The following CDH15 variants were observed in gnomAD, a reference collection of about 807,000 sequenced individuals.
CDH15 encodes the protein cadherin-15.
CDH15 carries 73 observed loss-of-function variants against 69.4 expected under a neutral mutation model. The ratio of observed to expected loss-of-function variants is 1.05; its 90% CI spans 0.87 to 1.28. The LOEUF (loss-of-function observed/expected upper bound fraction) is 1.28. CDH15 is among the 50% of genes most tolerant of loss of function. The pLI is 0.00. For missense variants in CDH15, 1,343 were observed against 1,133.6 expected (o/e 1.18, Z -2.65); for synonymous variants, 624 against 507.7 (o/e 1.23, Z -3.08).
At chr16:89,194,616 G>T (rs1482750250) in intron 13 of CDH15, among the ~76,000 whole-genome samples, 1 of 152,186 alleles carries the variant, frequency 6.6e-6, no homozygotes, top group Non-Finnish European at 1.5e-5. Flanking sequence ...GCAGGGCAGA[G>T]CCCCGGGGGA....
chr16:89,194,808 T>A (rs1597315133), intron 13 of CDH15, 54 bp from the exon 14 acceptor site: 2 of 1,534,830 alleles, frequency 1.3e-6, no homozygotes, highest in Non-Finnish European at 1.8e-6. Context: ...GCCACGGCGG[T>A]GGGGCACCCG....
intron 13 of CDH15, 36 bp downstream of exon 13, chr16:89,193,949 C>G (rs756518046): frequency 1.2e-6 from 2 of 1,606,014 alleles, no homozygotes; most frequent in African/African-American, 2.7e-5. Flanking sequence ...TACACACAGG[C>G]ACGCACAGGT....
Position 89,191,809 on chromosome 16 carries a change from G to T in CDH15, c.1530G>T (p.Leu510=). ...TCCTGGGCGCCACGGATGAGGACCT[G>T]CCCCCCCACGGGGCCCCCTTCCACT... ...GLLLGATDED[L]PPHGAPFHFQ... is the part of the protein sequence containing the mutation. The change falls in exon 10 of 14, where the codon CTG becomes CTT. Residue 510 remains leucine, a synonymous_variant. Transcript: ENST00000289746. 6.2e-7 allele frequency: 1 copy of T among 1,604,972 alleles called. No individual in the cohort carries two copies. Among genetic ancestry groups the T allele is most frequent in the Non-Finnish European group, 8.5e-7 (1 of 1,179,258 alleles).
chr16:89,193,977 T>C (rs1915725547), intron 13 of CDH15, 64 bp downstream of exon 13: 1 of 1,544,446 alleles, frequency 6.5e-7, no homozygotes, highest in African/African-American at 1.4e-5. Context: ...CACATGCACA[T>C]GTACACACCT....
At chr16:89,183,293 G>A in intron 3 of CDH15, 1 of 524,188 alleles carries the variant, frequency 1.9e-6, no homozygotes, top group Non-Finnish European at 3.4e-6. Context: ...CACACGTGAA[G>A]CTGTGAGCTT....
intron 1 of CDH15, among the ~76,000 whole-genome samples, chr16:89,178,717 T>G (rs977453208): frequency 6.6e-6 from 1 of 152,218 alleles, no homozygotes; most frequent in Non-Finnish European, 1.5e-5. Context: ...TGGGGGCCGC[T>G]GTATGAATTA....
Position 89,193,478 on chromosome 16 carries a change from C to G in CDH15, c.1864C>G (p.Leu622Val). The change falls in exon 12 of 14, where the codon CTG becomes GTG. Residue 622 changes from leucine (L) to valine (V), a missense_variant. Coordinates refer to ENST00000289746, the MANE Select transcript of CDH15 (RefSeq NM_004933.3). ...ASALLLLVLV[L>V]LVALRARFWK... ...GTCCCCTCATTCCCCAGTGCTGGTCCTGCTCGTGGCACTCCGGGCGCGGTT... is the reference window on the plus strand; with the variant it reads ...GTCCCCTCATTCCCCAGTGCTGGTCGTGCTCGTGGCACTCCGGGCGCGGTT... 6.2e-7 allele frequency: 1 copy of G among 1,611,232 alleles called. No individual in the cohort carries two copies. The highest frequency in any genetic ancestry group is 1.3e-5 in the African/African-American group (1 of 74,694).
At chr16:89,179,701 C>T (rs941626060) in intron 2 of CDH15, 127 bp downstream of exon 2, 5 of 963,956 alleles carry the variant, frequency 5.2e-6, no homozygotes, top group African/African-American at 3.3e-5. Flanking sequence ...AGGCAGGACT[C>T]GCCCACCTTG....
chr16:89,179,463 C>T lies in CDH15; in HGVS notation c.90C>T (p.Thr30=), dbSNP rs1567771162. The T allele has an allele frequency of 6.2e-7, 1 of 1,613,596 alleles. No individual in the cohort carries two copies. The highest frequency in any genetic ancestry group is 8.5e-7 in the Non-Finnish European group (1 of 1,179,904). Residue 30 remains threonine (T), a synonymous_variant, in exon 2 of 14, where the codon ACC becomes ACT. Transcript: ENST00000289746. The part of the protein sequence containing the change: ...LGVPGWRRPT[T]LYPWRRAPAL... The stretch of plus-strand genomic sequence containing the variant: ...TTCCTGGATGGAGGAGGCCCACCAC[C>T]CTGTACCCCTGGCGCCGGGCGCCTG...
At position 89,195,216 on chromosome 16, in the gene CDH15, G is replaced by A. The variant is rs560802384; in HGVS notation, c.*61G>A. 1.2e-5 allele frequency: 18 copies of A among 1,468,172 alleles called. No individual in the cohort carries two copies. In the East Asian group the frequency reaches 3.9e-4, roughly 32 times the overall value. The allele number at this position is 1,468,172 out of a possible 1,614,324, so 90.9% of individuals were successfully genotyped here. ...TCGTGGCAGTGATGGCCCCTGCAGA[G>A]GCAGCCTGAGGTCACCGGGCCCGAC... is the stretch of plus-strand genomic sequence containing the variant. On this transcript the variant is annotated 3_prime_UTR_variant, in exon 14 of 14. Transcript: ENST00000289746.
At chr16:89,185,784 A>T (rs1034388253) in intron 5 of CDH15, 1 of 251,718 alleles carries the variant, frequency 4.0e-6, no homozygotes, top group African/African-American at 2.3e-5. Flanking sequence ...CCTGCCACTA[A>T]CCACGGTTCC....
In CDH15 at chr16:89,193,532, C is replaced by T. The variant is rs1382254748; in HGVS notation, c.1918C>T (p.Leu640=). Residue 640 remains leucine, a synonymous_variant, in exon 12 of 14, where the codon CTG becomes TTG. Transcript: ENST00000289746. ...GAAGCAGTCTCGGGGCAAGGGGCTG[C>T]TGCACGGCCCCCAGGACGACCTTCG... The part of the protein sequence containing the change: ...FWKQSRGKGL[L]HGPQDDLRDN... 1 of 1,612,022 alleles carries T rather than the reference C, an allele frequency of 6.2e-7. No individual in the cohort carries two copies. Among genetic ancestry groups the T allele is most frequent in the Non-Finnish European group, 8.5e-7 (1 of 1,179,694 alleles).
rs1343048328 is a variant in CDH15, at chr16:89,180,371, G to A, written c.357+16G>A. 1 of 1,608,520 alleles carries A rather than the reference G, an allele frequency of 6.2e-7. No homozygotes were observed. On this transcript the variant is annotated intron_variant, in intron 3 of 13. Transcript: ENST00000289746. ...TCGCTTCAGGGTGCGGAGCTGCGTG[G>A]TCGGACCTGTGCCCCTCAAGCAGGC...
chr16:89,180,607 G>C (rs1369616330), intron 3 of CDH15, among the ~76,000 whole-genome samples: 1 of 152,242 alleles, frequency 6.6e-6, no homozygotes, highest in African/African-American at 2.4e-5. Flanking sequence ...GGAGCGGCTT[G>C]GTTCTGCCAG....
At chr16:89,194,571 G>A (rs1386153173) in intron 13 of CDH15, among the ~76,000 whole-genome samples, 1 of 152,162 alleles carries the variant, frequency 6.6e-6, no homozygotes, top group African/African-American at 2.4e-5. Flanking sequence ...AAGAGACCAG[G>A]GTGAGGGGGA....
At position 89,188,254 on chromosome 16, in the gene CDH15, A is replaced by C. The variant is rs1915535083; in HGVS notation, c.947A>C (p.Lys316Thr). The change falls in exon 7 of 14, where the codon AAG (lysine) becomes ACG (threonine). Residue 316 changes from lysine (K) to threonine (T), a missense_variant. By Grantham distance (78) the Lys-to-Thr change is moderately conservative. Coordinates refer to ENST00000289746, the MANE Select transcript of CDH15 (RefSeq NM_004933.3). ...CAGTTCACCATCCGCACGGACCCCAAGACCAACGAGGGTGTTCTGTCCATT... is the reference window on the plus strand; with the variant it reads ...CAGTTCACCATCCGCACGGACCCCACGACCAACGAGGGTGTTCTGTCCATT... The part of the protein sequence containing the change: ...DGQFTIRTDP[K>T]TNEGVLSIVK... The C allele has an allele frequency of 6.2e-7, 1 of 1,613,532 alleles. No homozygotes were observed. The highest frequency in any genetic ancestry group is 1.6e-4 in the Middle Eastern group (1 of 6,062).
In CDH15 at chr16:89,193,551, ACC is replaced by A; in HGVS notation, c.1938_1939del (p.Leu647SerfsTer9). The A allele has an allele frequency of 8.7e-6, 14 of 1,611,062 alleles. No individual in the cohort carries two copies. In the South Asian group the frequency reaches 1.5e-4, roughly 18 times the overall value. ...GGGCTGCTGCACGGCCCCCAGGACGACCTTCGAGACAATGTCCTCAACTACGA... is the reference window on the plus strand; with the variant it reads ...GGGCTGCTGCACGGCCCCCAGGACGATTCGAGACAATGTCCTCAACTACGA... On this transcript the variant is annotated frameshift_variant, in exon 12 of 14. Transcript: ENST00000289746. LOFTEE classifies it high-confidence loss of function.
At position 89,192,239 on chromosome 16, in the gene CDH15, C is replaced by G. The variant is rs1915664854; in HGVS notation, c.1650C>G (p.Val550=). The G allele has an allele frequency of 6.5e-7, 1 of 1,529,678 alleles. No individual in the cohort carries two copies. The highest frequency in any genetic ancestry group is 1.4e-5 in the African/African-American group (1 of 72,522). 94.8% of individuals were successfully genotyped at this position (1,529,678 alleles called of 1,614,324 possible). A position where few individuals can be genotyped will look rare whatever the true frequency, so the allele number is the denominator to read the frequency against. The change falls in exon 11 of 14, where the codon GTC becomes GTG. Residue 550 remains valine (V), a synonymous_variant. Transcript: ENST00000289746. ...CGCGCCTGCGGCCGCGACACCAGGT[C>G]CCCGAAGGCCTGCACCGCCTCAGCC... is the stretch of plus-strand genomic sequence containing the variant. ...SHARLRPRHQ[V]PEGLHRLSLL...
chr16:89,171,852 C>A lies in CDH15; in HGVS notation c.21C>A (p.Leu7=). 6.4e-7 allele frequency: 1 copy of A among 1,559,392 alleles called. No homozygotes were observed. The change falls in exon 1 of 14, where the codon CTC becomes CTA. Residue 7 remains leucine (L), a synonymous_variant. Coordinates refer to ENST00000289746, the MANE Select transcript of CDH15 (RefSeq NM_004933.3). MDAAFL[L]VLGLLAQSLC... is the part of the protein sequence containing the mutation. Reference sequence around the variant, plus strand: ...CCCCGATGGACGCCGCGTTCCTCCTCGTCCTCGGGCTGTTGGCCCAGGTAA... The same window carrying A: ...CCCCGATGGACGCCGCGTTCCTCCTAGTCCTCGGGCTGTTGGCCCAGGTAA...
Sources: gnomAD v4.1 joint callset for allele counts (sites outside exome capture counted in the v4.1 genomes callset) on GRCh38, gnomAD v4.1.1 for gene constraint, MANE v1.5 for transcripts, NCBI Gene and HGNC (gene_info 2026-07-23, HGNC 2026-07-21) for gene names.